The following ALPK3 variants were observed in gnomAD, a reference collection of about 807,000 sequenced individuals.
The protein encoded by ALPK3 is alpha kinase 3.
Under a neutral mutation model 140.0 loss-of-function variants are expected in ALPK3, and 102 were observed. The ratio of observed to expected loss-of-function variants is 0.73; its 90% confidence interval spans 0.62 to 0.86. The LOEUF (loss-of-function observed/expected upper bound fraction) is 0.86, where lower values mean the gene tolerates loss of function less well. Among genes scored for constraint, ALPK3 ranks in the 40% least tolerant of loss-of-function variants. ALPK3 has a pLI of 0.00. For missense variants in ALPK3, 2,254 were observed against 2,208.2 expected, an observed-to-expected ratio of 1.02 and a Z score of -0.42; for synonymous variants, 938 against 898.5, an observed-to-expected ratio of 1.04 and a Z score of -0.79.
At position 84,839,867 on chromosome 15, in the gene ALPK3, C is replaced by G. The variant is rs1165843264; in HGVS notation, c.588C>G (p.Ile196Met). The G allele has an allele frequency of 6.2e-7, 1 of 1,614,090 alleles. No homozygotes were observed. The highest frequency in any genetic ancestry group is 1.3e-5 in the African/African-American group (1 of 75,058). The change falls in exon 5 of 14, where the codon ATC (isoleucine) becomes ATG (methionine). Residue 196 changes from isoleucine to methionine, a missense_variant. Transcript: ENST00000258888. ...AGGCTGCGGCAAAGCTGCGCGAGATCGAGCAGAGCTGGAAGCACGAGAAGG... is the reference window on the plus strand; with the variant it reads ...AGGCTGCGGCAAAGCTGCGCGAGATGGAGCAGAGCTGGAAGCACGAGAAGG... ...KRKAAAKLRE[I>M]EQSWKHEKAV...
intron 1 of ALPK3, among the ~76,000 whole-genome samples, chr15:84,820,437 C>G (rs549470997): frequency 2.6e-5 from 4 of 152,194 alleles, no homozygotes; most frequent in African/African-American, 9.6e-5. Context: ...GTGGTCAGTT[C>G]TAGTTTTCCG....
At chr15:84,848,247 TA>T (rs149511884) in intron 5 of ALPK3, among the ~76,000 whole-genome samples, 14,032 of 143,204 alleles carry the variant, frequency 0.098, 735 homozygotes, top group Non-Finnish European at 0.11. Context: ...AGGTAAAAAG[TA>T]AAAAAAAAAA....
intron 5 of ALPK3, among the ~76,000 whole-genome samples, chr15:84,846,789 GT>G (rs1386271642): frequency 6.6e-6 from 1 of 152,080 alleles, no homozygotes; most frequent in Non-Finnish European, 1.5e-5. Context: ...TTTTGCACTT[GT>G]TGCCCAGGCT....
In ALPK3 at chr15:84,846,647, C is replaced by T. The variant is rs1007916661; in HGVS notation, c.1653+5715C>T. ...GGTGCAGTGAGCTGAGATCACGCCA[C>T]TGAACTCCAGCCTGGACAAAGGGAG... On this transcript the variant is annotated intron_variant, in intron 5 of 13. Transcript: ENST00000258888. Among the ~76,000 whole-genome samples the T allele has an allele frequency of 7.9e-5, 12 of 152,126 alleles. 1 individual carries two copies. In the East Asian group the frequency reaches 2.3e-3, roughly 29 times the overall value.
rs1963867584 is a variant in ALPK3 at position 84,856,838 on chromosome 15, A to T, written c.2100A>T (p.Gly700=). The change falls in exon 6 of 14, where the codon GGA becomes GGT. Residue 700 remains glycine (G), a synonymous_variant. Coordinates refer to ENST00000258888, the MANE Select transcript of ALPK3 (RefSeq NM_020778.5). The stretch of plus-strand genomic sequence containing the variant: ...CACAGGAAGACAGAAGGATGCAGGG[A>T]GAGAAGGGGATGCAGGGAGAGAAGG... ...KGTQEDRRMQ[G]EKGMQGEKGT... 6.2e-7 allele frequency: 1 copy of T among 1,613,588 alleles called. No individual in the cohort carries two copies. The highest frequency in any genetic ancestry group is 1.3e-5 in the African/African-American group (1 of 74,856).
At chr15:84,820,662 A>T (rs1465238003) in intron 1 of ALPK3, among the ~76,000 whole-genome samples, 1 of 152,122 alleles carries the variant, frequency 6.6e-6, no homozygotes, top group Non-Finnish European at 1.5e-5. Flanking sequence ...TTGTATTTTT[A>T]GCAGAGACGG....
At position 84,857,932 on chromosome 15, in the gene ALPK3, G is replaced by A. The variant is rs770821477; in HGVS notation, c.3194G>A (p.Gly1065Asp). 6.2e-7 allele frequency: 1 copy of A among 1,609,914 alleles called. No homozygotes were observed. Among genetic ancestry groups the A allele is most frequent in the South Asian group, 1.1e-5 (1 of 90,566 alleles). ...LAAARGSWGP[G>D]PSSLTVPAIV... ...GCTGCCCGAGGCTCCTGGGGTCCTG[G>A]TCCCAGCTCCCTCACTGTCCCTGCC... The change falls in exon 6 of 14, where the codon GGT becomes GAT. Residue 1065 changes from glycine (G) to aspartate (D), a missense_variant. Physicochemically the swap from Gly to Asp is moderately conservative, Grantham distance 94. Coordinates refer to ENST00000258888, the MANE Select transcript of ALPK3 (RefSeq NM_020778.5).
Position 84,864,679 on chromosome 15 carries a change from A to G in ALPK3, c.4723+14A>G, listed in dbSNP as rs1963984739. 1.2e-6 allele frequency: 2 copies of G among 1,612,280 alleles called. No homozygotes were observed. Among genetic ancestry groups the G allele is most frequent in the Non-Finnish European group, 1.7e-6 (2 of 1,178,422 alleles). ...CAGACTTGGCAGGTACGAGGGTGTGAGGGTGCACGGGTACGCATGTGCATG... is the reference window on the plus strand; with the variant it reads ...CAGACTTGGCAGGTACGAGGGTGTGGGGGTGCACGGGTACGCATGTGCATG... On this transcript the variant is annotated intron_variant, in intron 12 of 13. Transcript: ENST00000258888.
In ALPK3 at chr15:84,821,779, G is replaced by A. The variant is rs182298788; in HGVS notation, c.144-1551G>A. On this transcript the variant is annotated intron_variant, in intron 1 of 13. Coordinates refer to ENST00000258888, the MANE Select transcript of ALPK3 (RefSeq NM_020778.5). The stretch of plus-strand genomic sequence containing the variant: ...ATAGAACAGCAGTTAAATACCCATC[G>A]TCTGTGCAGCACTGCACTAGGAGCC... Among the ~76,000 whole-genome samples, 108 of 151,764 alleles carry A rather than the reference G, an allele frequency of 7.1e-4. 1 individual carries two copies. Among genetic ancestry groups the A allele is most frequent in the Middle Eastern group, 6.8e-3 (2 of 294 alleles).
Position 84,868,339 on chromosome 15 carries a change from C to G in ALPK3, c.5001C>G (p.Thr1667=), listed in dbSNP as rs200351712. ...AAGGCCTCCCTAGTCCTCAGGGCACCCGGAAGAGTGCTCCAAGTTCCAAGG... is the reference window on the plus strand; with the variant it reads ...AAGGCCTCCCTAGTCCTCAGGGCACGCGGAAGAGTGCTCCAAGTTCCAAGG... ...QKKGLPSPQG[T]RKSAPSSKAT... The change falls in exon 14 of 14, where the codon ACC becomes ACG. Residue 1667 remains threonine, a synonymous_variant. Coordinates refer to ENST00000258888, the MANE Select transcript of ALPK3 (RefSeq NM_020778.5). The G allele has an allele frequency of 2.0e-5, 32 of 1,614,016 alleles. No individual in the cohort carries two copies. The highest frequency in any genetic ancestry group is 4.2e-6 in the Non-Finnish European group (5 of 1,180,024).
Position 84,840,515 on chromosome 15 carries a change from T to C in ALPK3, c.1236T>C (p.Tyr412=), listed in dbSNP as rs1963649648. 6.2e-7 allele frequency: 1 copy of C among 1,610,902 alleles called. No individual in the cohort carries two copies. The highest frequency in any genetic ancestry group is 1.7e-5 in the Admixed American group (1 of 59,270). Residue 412 remains tyrosine (Y), a synonymous_variant, in exon 5 of 14, where the codon TAT becomes TAC. Coordinates refer to ENST00000258888, the MANE Select transcript of ALPK3 (RefSeq NM_020778.5). ...GCCCAGGCCCAGGCCAGGAAGTGTA[T>C]TTCTCCTTGAAGGACATGTACCTGG... is the stretch of plus-strand genomic sequence containing the variant. ...APGPGPGQEV[Y]FSLKDMYLEN...
Position 84,857,042 on chromosome 15 carries a change from A to C in ALPK3, c.2304A>C (p.Lys768Asn), listed in dbSNP as rs776562711. The change falls in exon 6 of 14, where the codon AAA (lysine) becomes AAC (asparagine). Residue 768 changes from lysine (K) to asparagine (N), a missense_variant. Lys to Asn is a moderately conservative substitution (Grantham distance 94). Around this residue, in one of 3 missense-constraint regions of ALPK3, gnomAD observed 2,088 missense variants for 2,022.9 expected, o/e 1.03. Coordinates refer to ENST00000258888, the MANE Select transcript of ALPK3 (RefSeq NM_020778.5). The stretch of plus-strand genomic sequence containing the variant: ...CAGAAGGGTCTTGTTTCCCAAAAAA[A>C]CCTGGTTGCCTGCCCAGATCTGAGG... ...QTPEGSCFPK[K>N]PGCLPRSEEA... 6.2e-7 allele frequency: 1 copy of C among 1,614,138 alleles called. No individual in the cohort carries two copies. The highest frequency in any genetic ancestry group is 1.1e-5 in the South Asian group (1 of 91,084).
intron 3 of ALPK3, among the ~76,000 whole-genome samples, chr15:84,834,279 G>C (rs1262704275): frequency 6.6e-6 from 1 of 152,096 alleles, no homozygotes; most frequent in East Asian, 1.9e-4. Flanking sequence ...TTTTCCTTTT[G>C]TATAAAATAG....
chr15:84,845,785 G>T (rs115389728), intron 5 of ALPK3, among the ~76,000 whole-genome samples: 8,994 of 152,288 alleles, frequency 0.059, 401 homozygotes, highest in East Asian at 0.19. Flanking sequence ...CAGGCCGGGT[G>T]TGGTGGCTCA....
At chr15:84,867,203 T>A (rs1050477522) in intron 12 of ALPK3, 114 bp from the exon 13 acceptor site, 17 of 973,170 alleles carry the variant, frequency 1.7e-5, no homozygotes, top group Admixed American at 4.8e-5. Context: ...AGCCCCCATG[T>A]CTCCAGCAGG....
At position 84,840,913 on chromosome 15, in the gene ALPK3, G is replaced by C. The variant is rs779254531; in HGVS notation, c.1634G>C (p.Gly545Ala). 6.2e-7 allele frequency: 1 copy of C among 1,601,962 alleles called. No homozygotes were observed. Among genetic ancestry groups the C allele is most frequent in the East Asian group, 2.2e-5 (1 of 44,752 alleles). Residue 545 changes from glycine to alanine, a missense_variant, in exon 5 of 14, where the codon GGC (glycine) becomes GCC (alanine). Gly to Ala is a moderately conservative substitution (Grantham distance 60). Coordinates refer to ENST00000258888, the MANE Select transcript of ALPK3 (RefSeq NM_020778.5). ...GACAGCACGTTGCAGGGGCAAGCAG[G>C]CCACAGGACTCCAGGAGAGGTAAGT... ...TRDSTLQGQA[G>A]HRTPGEVLEC...
Position 84,857,277 on chromosome 15 carries a change from G to T in ALPK3, c.2539G>T (p.Val847Leu), listed in dbSNP as rs368330440. The T allele has an allele frequency of 6.2e-7, 1 of 1,613,980 alleles. No individual in the cohort carries two copies. Among genetic ancestry groups the T allele is most frequent in the South Asian group, 1.1e-5 (1 of 91,086 alleles). Reference protein sequence around the residue: ...QCPKEERPGGVPCMDQGGCPL... With the variant: ...QCPKEERPGGLPCMDQGGCPL... ...CCCCAAGGAGGAGCGGCCAGGGGGAGTGCCGTGTATGGATCAGGGTGGCTG... is the reference window on the plus strand; with the variant it reads ...CCCCAAGGAGGAGCGGCCAGGGGGATTGCCGTGTATGGATCAGGGTGGCTG... Residue 847 changes from valine (V) to leucine (L), a missense_variant, in exon 6 of 14, where the codon GTG (valine) becomes TTG (leucine). Val to Leu is a conservative substitution (Grantham distance 32). Around this residue, in one of 3 missense-constraint regions of ALPK3, gnomAD observed 2,088 missense variants for 2,022.9 expected, o/e 1.03. Coordinates refer to ENST00000258888, the MANE Select transcript of ALPK3 (RefSeq NM_020778.5).
chr15:84,835,583 C>T (rs1963590140), intron 3 of ALPK3, among the ~76,000 whole-genome samples: 1 of 152,204 alleles, frequency 6.6e-6, no homozygotes, highest in African/African-American at 2.4e-5. Flanking sequence ...TTTCTACCCA[C>T]ATGGGACCTA....
intron 1 of ALPK3, among the ~76,000 whole-genome samples, chr15:84,822,880 G>A (rs1422161833): frequency 6.6e-6 from 1 of 152,218 alleles, no homozygotes; most frequent in East Asian, 1.9e-4. Context: ...TGTTCTCCAA[G>A]CCACCTGTCT....
Sources: gnomAD v4.1 joint callset for allele counts (sites outside exome capture counted in the v4.1 genomes callset) on GRCh38, gnomAD v4.1.1 for gene constraint, gnomAD v4.1.1 regional missense constraint, MANE v1.5 for transcripts, NCBI Gene and HGNC (gene_info 2026-07-23, HGNC 2026-07-21) for gene names.